The following AMZ1 variants were observed in gnomAD, a reference collection of about 807,000 sequenced individuals.
The protein encoded by AMZ1 is archaelysin family metallopeptidase 1.
Under a neutral mutation model 29.9 loss-of-function variants are expected in AMZ1, and 39 were observed. The observed-to-expected ratio is 1.30, with a 90% CI of 1.01 to 1.70. AMZ1 has a LOEUF of 1.70. Among genes scored for constraint, AMZ1 ranks in the 40% most tolerant of loss-of-function variants. The pLI is 0.00. For synonymous variants in AMZ1, 458 were observed against 304.0 expected (o/e 1.51, Z -5.27); for missense variants, 1,041 against 680.6 (o/e 1.53, Z -5.89).
chr7:2,763,584 A>G (rs930721459), upstream of AMZ1, among the ~76,000 whole-genome samples: 3 of 152,228 alleles, frequency 2.0e-5, no homozygotes, highest in East Asian at 5.8e-4. Context: ...GCTCGAAACA[A>G]AAAACAATTA....
upstream of AMZ1, among the ~76,000 whole-genome samples, chr7:2,761,287 G>T (rs141871514): frequency 1.1e-4 from 17 of 152,262 alleles, no homozygotes; most frequent in African/African-American, 3.9e-4. Context: ...CTTCTATGAG[G>T]TCAAAGCCAC....
downstream of AMZ1, among the ~76,000 whole-genome samples, chr7:2,720,491 C>G (rs560446609): frequency 6.6e-6 from 1 of 151,866 alleles, no homozygotes; most frequent in East Asian, 1.9e-4. Context: ...GCAACCTCCG[C>G]CTTCTGGGTT....
intron 4 of AMZ1, among the ~76,000 whole-genome samples, chr7:2,737,500 G>A (rs1284373963): frequency 6.6e-6 from 1 of 151,968 alleles, no homozygotes; most frequent in Non-Finnish European, 1.5e-5. Context: ...GGTTAACCAG[G>A]CTGGTCTCGA....
intron 3 of AMZ1, 149 bp from the exon 4 acceptor site, chr7:2,708,439 A>C: frequency 2.5e-6 from 3 of 1,199,654 alleles, no homozygotes; most frequent in Non-Finnish European, 3.5e-6. Context: ...GTGTGCCCTC[A>C]GGTCACACCA....
chr7:2,693,578 C>T (rs1052221406), intron 1 of AMZ1, among the ~76,000 whole-genome samples: 9 of 151,808 alleles, frequency 5.9e-5, no homozygotes, highest in African/African-American at 9.7e-5. Context: ...TTTTTTGACA[C>T]GGAGTCTTGC....
upstream of AMZ1, among the ~76,000 whole-genome samples, chr7:2,685,524 A>G (rs1463613725): frequency 6.0e-5 from 8 of 133,238 alleles, no homozygotes; most frequent in South Asian, 2.4e-4. Flanking sequence ...CGCCACTTGT[A>G]CTCCAGCTCT....
chr7:2,709,702 C>T lies in AMZ1; in HGVS notation c.834C>T (p.Leu278=), dbSNP rs1184623064. 1.2e-6 allele frequency: 2 copies of T among 1,611,024 alleles called. No individual in the cohort carries two copies. The highest frequency in any genetic ancestry group is 2.7e-5 in the African/African-American group (2 of 74,882). Residue 278 remains leucine (L), a synonymous_variant, in exon 6 of 7, where the codon CTC becomes CTT. Transcript: ENST00000683327. ...GGAACTGCCGCTGGCTCCGCTGCCT[C>T]ATGCAGGGTGCGCTCAGCCTGGACG... is the stretch of plus-strand genomic sequence containing the variant. ...GLGNCRWLRC[L]MQGALSLDEA...
intron 6 of AMZ1, among the ~76,000 whole-genome samples, chr7:2,710,998 C>T (rs189224123): frequency 2.1e-4 from 32 of 152,276 alleles, no homozygotes; most frequent in African/African-American, 6.7e-4. Context: ...CACCTGGGGT[C>T]TTGTGCAACC....
intron 4 of AMZ1, chr7:2,730,870 G>A (rs917935388): frequency 2.1e-5 from 7 of 325,956 alleles, no homozygotes; most frequent in Non-Finnish European, 4.1e-5. Flanking sequence ...ATTAAACTGC[G>A]TCAGAAAAAG....
chr7:2,742,628 G>A (rs1458219816), intron 4 of AMZ1, among the ~76,000 whole-genome samples: 1 of 152,172 alleles, frequency 6.6e-6, no homozygotes, highest in African/African-American at 2.4e-5. Context: ...TAGTTCTAAA[G>A]TCAGCTGTCA....
chr7:2,683,539 A>G (rs1216116851), upstream of AMZ1, among the ~76,000 whole-genome samples: 2 of 151,750 alleles, frequency 1.3e-5, no homozygotes. Context: ...CCAGGTTCAC[A>G]CCATTCTCCT....
rs771129948 is a variant in AMZ1 at position 2,702,851 on chromosome 7, G to C, written c.434G>C (p.Arg145Pro). 6.3e-7 allele frequency: 1 copy of C among 1,584,672 alleles called. No homozygotes were observed. The highest frequency in any genetic ancestry group is 2.3e-5 in the East Asian group (1 of 43,624). The stretch of plus-strand genomic sequence containing the variant: ...GCCGCGTCCATCCGCTGCTCCTCGC[G>C]GCCCAGCCGGGACTCTGACAGGCTC... ...VAAASIRCSS[R>P]PSRDSDRLQL... Residue 145 changes from arginine (R) to proline (P), a missense_variant, in exon 3 of 7, where the codon CGG (arginine) becomes CCG (proline). By Grantham distance (103) the Arg-to-Pro change is moderately radical. Coordinates refer to ENST00000683327, the MANE Select transcript of AMZ1 (RefSeq NM_001384743.1).
rs1417505484 is a variant in AMZ1 at position 2,714,785 on chromosome 7, A to T, written c.*1907A>T. On this transcript the variant is annotated 3_prime_UTR_variant, in exon 7 of 7. Coordinates refer to ENST00000683327, the MANE Select transcript of AMZ1 (RefSeq NM_001384743.1). ...AGGCCTTGGTTCCTGCCCACGTGAG[A>T]CTCTCCATGGAGGAGGGGCATCTTC... 6.6e-6 allele frequency: 1 copy of T among 151,774 alleles called. No individual in the cohort carries two copies. Among genetic ancestry groups the T allele is most frequent in the Non-Finnish European group, 1.5e-5 (1 of 67,952 alleles). 9.4% of individuals were successfully genotyped at this position (151,774 alleles called of 1,614,324 possible).
chr7:2,700,643 C>G lies in AMZ1; in HGVS notation c.192C>G (p.Phe64Leu), dbSNP rs148513555. 6.2e-7 allele frequency: 1 copy of G among 1,611,840 alleles called. No homozygotes were observed. The highest frequency in any genetic ancestry group is 1.7e-5 in the Admixed American group (1 of 60,010). The change falls in exon 2 of 7, where the codon TTC becomes TTG. Residue 64 changes from phenylalanine (F) to leucine (L), a missense_variant. Coordinates refer to ENST00000683327, the MANE Select transcript of AMZ1 (RefSeq NM_001384743.1). Reference protein sequence around the residue: ...LFCTLLIRTGFDWLLSRPEAP... With the variant: ...LFCTLLIRTGLDWLLSRPEAP... Reference sequence around the variant, plus strand: ...GCACCCTGCTCATCCGCACGGGCTTCGACTGGCTCCTGAGCCGACCCGAGG... The same window carrying G: ...GCACCCTGCTCATCCGCACGGGCTTGGACTGGCTCCTGAGCCGACCCGAGG...
At chr7:2,696,702 A>G (rs2115082163) in intron 1 of AMZ1, among the ~76,000 whole-genome samples, 1 of 151,752 alleles carries the variant, frequency 6.6e-6, no homozygotes. Context: ...CCTGGCCAAC[A>G]TGGTGAAACC....
upstream of AMZ1, chr7:2,762,676 G>T (rs1297329124): frequency 6.3e-7 from 1 of 1,594,132 alleles, no homozygotes; most frequent in Admixed American, 1.8e-5. Context: ...AAATCATTTG[G>T]AAAGAAACCA....
At chr7:2,683,447 G>GT (rs965606359), upstream of AMZ1, among the ~76,000 whole-genome samples, 9 of 148,710 alleles carry the variant, frequency 6.1e-5, no homozygotes, top group South Asian at 4.2e-4. Flanking sequence ...TTTTGTTTTT[G>GT]TTTTTTTTGA....
At chr7:2,754,238 G>C (rs1397894936) in intron 4 of AMZ1, among the ~76,000 whole-genome samples, 2 of 152,204 alleles carry the variant, frequency 1.3e-5, no homozygotes, top group African/African-American at 4.8e-5. Context: ...AATGGCTGGA[G>C]AGGCTGGATG....
chr7:2,689,378 G>C (rs950641116), intron 1 of AMZ1, among the ~76,000 whole-genome samples: 1 of 152,062 alleles, frequency 6.6e-6, no homozygotes, highest in Admixed American at 6.6e-5. Context: ...CCTGGGGGGG[G>C]GATGCGGACG....
Sources: allele counts gnomAD v4.1 joint callset (sites outside exome capture counted in the v4.1 genomes callset), GRCh38; gene constraint gnomAD v4.1.1; transcripts MANE v1.5; gene names NCBI Gene and HGNC (gene_info 2026-07-23, HGNC 2026-07-21).